Variants in DPP6 observed in about 807,000 individuals in gnomAD.
The protein encoded by DPP6 is dipeptidyl peptidase like 6, also known as A-type potassium channel modulatory protein DPP6.
A neutral mutation model predicts 122.6 loss-of-function variants in DPP6; 69 were observed. The observed-to-expected ratio is 0.56, with a 90% CI of 0.46 to 0.69. The LOEUF (loss-of-function observed/expected upper bound fraction) is 0.69. Among genes scored for constraint, DPP6 ranks in the 30% least tolerant of loss-of-function variants. The probability of loss-of-function intolerance (pLI) is 0.00; values close to 1 mark genes in which losing one functional copy is unlikely to be tolerated. For missense variants in DPP6, 928 were observed against 1,116.9 expected (o/e 0.83, Z 2.41); for synonymous variants, 418 against 433.1 (o/e 0.97, Z 0.43).
intron 1 of DPP6, among the ~76,000 whole-genome samples, chr7:154,219,101 G>C (rs1310417875): frequency 2.0e-5 from 3 of 152,204 alleles, no homozygotes; most frequent in Non-Finnish European, 4.4e-5. Context: ...CTCATGCAGA[G>C]TCACAAGACA....
At chr7:153,924,918 C>T (rs751102269) in intron 1 of DPP6, among the ~76,000 whole-genome samples, 13 of 152,238 alleles carry the variant, frequency 8.5e-5, no homozygotes, top group South Asian at 4.2e-4. Flanking sequence ...AAGCTTGTTG[C>T]GCAGCAGTCA....
chr7:154,203,363 A>G (rs936075684), intron 1 of DPP6, among the ~76,000 whole-genome samples: 2 of 152,170 alleles, frequency 1.3e-5, no homozygotes, highest in South Asian at 2.1e-4. Context: ...TATCCTCTAC[A>G]TGCCACAGGC....
chr7:154,881,074 G>T, intron 21 of DPP6, 132 bp downstream of exon 21: 2 of 1,357,662 alleles, frequency 1.5e-6, no homozygotes, highest in Non-Finnish European at 1.9e-6. Context: ...AAAATCAAGA[G>T]CCTGGGTGCT....
At chr7:154,770,568 C>T (rs1796194686) in intron 9 of DPP6, among the ~76,000 whole-genome samples, 1 of 152,234 alleles carries the variant, frequency 6.6e-6, no homozygotes, top group African/African-American at 2.4e-5. Flanking sequence ...TCGCCAGATA[C>T]TGAATCAGCC....
chr7:153,899,985 G>A (rs369960768), intron 1 of DPP6, among the ~76,000 whole-genome samples: 5 of 152,110 alleles, frequency 3.3e-5, no homozygotes, highest in African/African-American at 7.2e-5. Context: ...AAATATTAAC[G>A]TATTCTAGAG....
intron 1 of DPP6, among the ~76,000 whole-genome samples, chr7:153,925,275 G>A (rs966597976): frequency 5.9e-5 from 9 of 152,114 alleles, no homozygotes; most frequent in African/African-American, 2.2e-4. Context: ...GGTCCCCAAG[G>A]TTCTGATGAA....
intron 1 of DPP6, among the ~76,000 whole-genome samples, chr7:153,951,800 T>C (rs1043881197): frequency 2.6e-5 from 4 of 152,134 alleles, no homozygotes; most frequent in African/African-American, 7.2e-5. Flanking sequence ...CCTGGCACTT[T>C]GGGAGGCTGA....
At chr7:154,342,138 T>C (rs924185062) in intron 1 of DPP6, among the ~76,000 whole-genome samples, 6 of 152,174 alleles carry the variant, frequency 3.9e-5, no homozygotes, top group African/African-American at 1.4e-4. Context: ...ACATTACAGC[T>C]GAGATGGTTG....
chr7:154,193,890 G>C (rs541355708), intron 1 of DPP6, among the ~76,000 whole-genome samples: 2 of 152,158 alleles, frequency 1.3e-5, no homozygotes, highest in South Asian at 4.2e-4. Context: ...CCACAGAGGG[G>C]TGTGCGCTGG....
chr7:154,225,045 G>C (rs1800514214), intron 1 of DPP6, among the ~76,000 whole-genome samples: 1 of 152,124 alleles, frequency 6.6e-6, no homozygotes, highest in Non-Finnish European at 1.5e-5. Context: ...AGGAGGCTGA[G>C]GCAGGAGAAT....
chr7:153,951,586 G>C (rs1012390545), intron 1 of DPP6, among the ~76,000 whole-genome samples: 6 of 152,338 alleles, frequency 3.9e-5, no homozygotes, highest in Admixed American at 1.3e-4. Context: ...GCAGCTGCTG[G>C]ATGTGCAAAT....
intron 10 of DPP6, among the ~76,000 whole-genome samples, chr7:154,778,626 TCCA>T (rs950807824): frequency 2.8e-5 from 4 of 140,504 alleles, no homozygotes; most frequent in Admixed American, 2.8e-4. Flanking sequence ...CTATACAACC[TCCA>T]CCACCACCAC....
rs145778469 is a variant in DPP6, at chr7:154,788,958, T to C, written c.1137-5121T>C. On this transcript the variant is annotated intron_variant, in intron 10 of 25. Coordinates refer to ENST00000377770, the MANE Select transcript of DPP6 (RefSeq NM_130797.4). ...TTTTAGTTTCCTTGCAGCCCCCTCA[T>C]CTCCCTTTTTGATCTTATCTTGGAC... is the stretch of plus-strand genomic sequence containing the variant. Among the ~76,000 whole-genome samples, 121 of 152,312 alleles carry C rather than the reference T, an allele frequency of 7.9e-4. 1 individual carries two copies. The highest frequency in any genetic ancestry group is 2.7e-3 in the African/African-American group (114 of 41,576).
chr7:154,127,634 GACACACACACACACACAGACACACACAC>G (rs1808009382), intron 1 of DPP6, among the ~76,000 whole-genome samples: 4 of 59,722 alleles, frequency 6.7e-5, no homozygotes, highest in African/African-American at 1.7e-4. Flanking sequence ...CACACACACA[GACACACACACACACACAGACACACACAC>G]ACACACACAC....
chr7:153,954,094 G>C (rs56065597), intron 1 of DPP6, among the ~76,000 whole-genome samples: 1 of 152,196 alleles, frequency 6.6e-6, no homozygotes, highest in African/African-American at 2.4e-5. Context: ...TCTATAAAAT[G>C]CCTTCACTTG....
chr7:154,311,934 A>G (rs1806935495), intron 1 of DPP6, among the ~76,000 whole-genome samples: 1 of 152,218 alleles, frequency 6.6e-6, no homozygotes. Context: ...TCCTGAGAGC[A>G]TTTGCAATTT....
rs750574171 is a variant in DPP6, at chr7:154,875,890, G to A, written c.1884-16G>A. 9.4e-6 allele frequency: 15 copies of A among 1,599,334 alleles called. No homozygotes were observed. The highest frequency in any genetic ancestry group is 3.3e-4 in the Middle Eastern group (2 of 6,014). On this transcript the variant is annotated splice_polypyrimidine_tract_variant and intron_variant, in intron 19 of 25. Transcript: ENST00000377770. This position sits in a 1 kb window ranked among gnomAD's most constrained non-coding sequence, Gnocchi z 4.5. Reference sequence around the variant, plus strand: ...ACCACGCAGCAGGCCTGCTGAGCCCGGGATTCTCTTTCCAGGGATGGCACC... The same window carrying A: ...ACCACGCAGCAGGCCTGCTGAGCCCAGGATTCTCTTTCCAGGGATGGCACC...
chr7:153,903,907 G>C (rs1042555047), intron 1 of DPP6, among the ~76,000 whole-genome samples: 1 of 152,164 alleles, frequency 6.6e-6, no homozygotes, highest in Non-Finnish European at 1.5e-5. Flanking sequence ...GAGGACTGAG[G>C]GTTGAGGGAC....
intron 5 of DPP6, among the ~76,000 whole-genome samples, chr7:154,637,012 A>G (rs767163268): frequency 6.6e-6 from 1 of 152,156 alleles, no homozygotes; most frequent in Non-Finnish European, 1.5e-5. Context: ...TAACCCACAT[A>G]TTCCGTATGT....
Sources: gnomAD v4.1 joint callset for allele counts (sites outside exome capture counted in the v4.1 genomes callset) on GRCh38, gnomAD v4.1.1 for gene constraint, Gnocchi (gnomAD v3.1) non-coding constraint, MANE v1.5 for transcripts, NCBI Gene and HGNC (gene_info 2026-07-23, HGNC 2026-07-21) for gene names.